The following MS4A4A variants were observed in gnomAD, a reference collection of about 807,000 sequenced individuals.
The protein encoded by MS4A4A is membrane-spanning 4-domains subfamily A member 4A.
In MS4A4A, 26 loss-of-function variants were observed where a neutral mutation model predicts 28.0. The ratio of observed to expected loss-of-function variants is 0.93; its 90% CI spans 0.68 to 1.29. The LOEUF (loss-of-function observed/expected upper bound fraction) is 1.29. MS4A4A is among the 50% of genes most tolerant of loss of function. The pLI is 0.00. For missense variants in MS4A4A, 290 were observed against 293.1 expected (o/e 0.99, Z 0.08); for synonymous variants, 86 against 100.8 (o/e 0.85, Z 0.88).
At chr11:60,304,677 G>T (rs929100561) in intron 5 of MS4A4A, among the ~76,000 whole-genome samples, 16 of 152,172 alleles carry the variant, frequency 1.1e-4, no homozygotes, top group Admixed American at 2.6e-4. Context: ...GAAATACAAC[G>T]AAGCCCATTT....
At chr11:60,286,155 G>C (rs1367920778) in intron 1 of MS4A4A, among the ~76,000 whole-genome samples, 3 of 152,184 alleles carry the variant, frequency 2.0e-5, no homozygotes, top group African/African-American at 7.2e-5. Flanking sequence ...CGGCCCCGCA[G>C]GCAGTCAGAC....
chr11:60,300,973 T>C (rs748263014), intron 3 of MS4A4A, 28 bp from the exon 4 acceptor site: 2 of 1,559,322 alleles, frequency 1.3e-6, no homozygotes, highest in Non-Finnish European at 1.7e-6. Context: ...TTAAAGTTTT[T>C]TACCTTCATT....
intron 3 of MS4A4A, 103 bp from the exon 4 acceptor site, chr11:60,300,898 G>C: frequency 1.3e-6 from 1 of 776,426 alleles, no homozygotes; most frequent in Non-Finnish European, 2.0e-6. Flanking sequence ...TAAGATAATT[G>C]GTCTGATTAA....
At chr11:60,303,630 G>T (rs992121154) in intron 5 of MS4A4A, among the ~76,000 whole-genome samples, 2 of 152,068 alleles carry the variant, frequency 1.3e-5, no homozygotes, top group Non-Finnish European at 2.9e-5. Context: ...ATTGCTTGAA[G>T]CTGGGAGGCG....
Position 60,308,509 on chromosome 11 carries a change from A to G in MS4A4A, c.*331A>G, listed in dbSNP as rs932764184. On this transcript the variant is annotated 3_prime_UTR_variant, in exon 7 of 7. Coordinates refer to ENST00000337908, the MANE Select transcript of MS4A4A (RefSeq NM_148975.3). ...TAAGAACTTTATATAAAGGCATTAC[A>G]TTGGCAAATAAGGTTTGGAAGCAGA... 6.6e-5 allele frequency: 15 copies of G among 228,378 alleles called. No individual in the cohort carries two copies. Among genetic ancestry groups the G allele is most frequent in the Non-Finnish European group, 1.2e-4 (14 of 118,660 alleles). 14.1% of individuals were successfully genotyped at this position (228,378 alleles called of 1,614,324 possible).
intron 1 of MS4A4A, among the ~76,000 whole-genome samples, chr11:60,286,965 G>T (rs531816229): frequency 5.3e-5 from 8 of 152,046 alleles, no homozygotes; most frequent in Non-Finnish European, 1.2e-4. Flanking sequence ...TTGTGCTCTG[G>T]TCTACCTTTG....
chr11:60,283,672 C>T (rs1029079497), intron 1 of MS4A4A, among the ~76,000 whole-genome samples: 2 of 152,098 alleles, frequency 1.3e-5, no homozygotes, highest in African/African-American at 4.8e-5. Flanking sequence ...AATTTATGGG[C>T]TTTATTAGAA....
intron 6 of MS4A4A, 128 bp downstream of exon 6, chr11:60,306,329 G>A: frequency 1.3e-6 from 1 of 776,636 alleles, no homozygotes; most frequent in Non-Finnish European, 2.1e-6. Flanking sequence ...TCAAGAGTCT[G>A]AGCCCAGCTG....
intron 3 of MS4A4A, among the ~76,000 whole-genome samples, chr11:60,299,189 T>C (rs1433979792): frequency 6.6e-6 from 1 of 152,200 alleles, no homozygotes. Flanking sequence ...TAGAATAGTT[T>C]ATGGTAATTT....
chr11:60,299,325 A>G (rs2084930537), intron 3 of MS4A4A, among the ~76,000 whole-genome samples: 1 of 152,212 alleles, frequency 6.6e-6, no homozygotes, highest in Non-Finnish European at 1.5e-5. Context: ...ATAGTATTAC[A>G]TAATAGTCAG....
At chr11:60,306,448 C>A (rs1342072355) in intron 6 of MS4A4A, among the ~76,000 whole-genome samples, 1 of 152,188 alleles carries the variant, frequency 6.6e-6, no homozygotes. Context: ...TGGTGGAATT[C>A]ATTTCCTCTC....
chr11:60,280,919 A>G (rs532413498), intron 1 of MS4A4A, among the ~76,000 whole-genome samples: 2 of 152,216 alleles, frequency 1.3e-5, no homozygotes, highest in Admixed American at 6.5e-5. Context: ...GCTACAGTCG[A>G]TAGGAGTTAG....
In MS4A4A at chr11:60,286,211, T is replaced by C. The variant is rs2084802489; in HGVS notation, c.41+5495T>C. 2.6e-5 allele frequency among the ~76,000 whole-genome samples: 4 copies of C among 152,220 alleles called. No individual in the cohort carries two copies. The South Asian group carries it at 8.3e-4, about 32-fold the overall frequency. On this transcript the variant is annotated intron_variant, in intron 1 of 6. Coordinates refer to ENST00000337908, the MANE Select transcript of MS4A4A (RefSeq NM_148975.3). ...TTCCTGAACATCGCTGTTATCCTGTTCTTTTTCAGGGTGCCCAGATTTCAT... is the reference window on the plus strand; with the variant it reads ...TTCCTGAACATCGCTGTTATCCTGTCCTTTTTCAGGGTGCCCAGATTTCAT...
At position 60,297,328 on chromosome 11, in the gene MS4A4A, G is replaced by A; in HGVS notation, c.330+3G>A. ...ACACAATTTGGGGGTCAGTAATGGT[G>A]AGTAGAGTATCTTTTGATATAATTG... On this transcript the variant is annotated splice_donor_region_variant and intron_variant, in intron 3 of 6. Coordinates refer to ENST00000337908, the MANE Select transcript of MS4A4A (RefSeq NM_148975.3). 1 of 1,612,892 alleles carries A rather than the reference G, an allele frequency of 6.2e-7. No homozygotes were observed. Among genetic ancestry groups the A allele is most frequent in the Non-Finnish European group, 8.5e-7 (1 of 1,179,232 alleles).
At chr11:60,303,491 T>G (rs965731513) in intron 5 of MS4A4A, among the ~76,000 whole-genome samples, 1 of 152,136 alleles carries the variant, frequency 6.6e-6, no homozygotes, top group Non-Finnish European at 1.5e-5. Flanking sequence ...GTGGGTCACC[T>G]GAGGTCAGGA....
chr11:60,308,539 CA>C lies in MS4A4A; in HGVS notation c.*369del, dbSNP rs1036923130. ...CAAATAAGGTTTGGAAGCAGAAGAG[CA>C]AAAAAAAGATATTGTTAAAATGAGG... On this transcript the variant is annotated 3_prime_UTR_variant, in exon 7 of 7. Transcript: ENST00000337908. 41 of 183,458 alleles carry C rather than the reference CA, an allele frequency of 2.2e-4. No homozygotes were observed. The highest frequency in any genetic ancestry group is 2.2e-3 in the Middle Eastern group (1 of 458). 11.4% of individuals were successfully genotyped at this position (183,458 alleles called of 1,614,324 possible).
At chr11:60,287,783 T>C (rs919723263) in intron 1 of MS4A4A, among the ~76,000 whole-genome samples, 3 of 152,168 alleles carry the variant, frequency 2.0e-5, no homozygotes, top group Non-Finnish European at 4.4e-5. Context: ...CAAAATATAA[T>C]GGTGAAACAG....
At chr11:60,287,902 A>G (rs772484133) in intron 1 of MS4A4A, among the ~76,000 whole-genome samples, 2 of 152,242 alleles carry the variant, frequency 1.3e-5, no homozygotes, top group Non-Finnish European at 1.5e-5. Flanking sequence ...TAAGCTTTAA[A>G]TCTGGAGAAT....
At chr11:60,302,476 A>C in intron 4 of MS4A4A, 83 bp from the exon 5 acceptor site, 2 of 1,332,016 alleles carry the variant, frequency 1.5e-6, no homozygotes, top group Non-Finnish European at 2.1e-6. Context: ...GCAGTAAGAA[A>C]GAGATGGTGG....
Sources: allele counts gnomAD v4.1 joint callset (sites outside exome capture counted in the v4.1 genomes callset), GRCh38; gene constraint gnomAD v4.1.1; transcripts MANE v1.5; gene names NCBI Gene and HGNC (gene_info 2026-07-23, HGNC 2026-07-21).